Variants in CETP observed in about 807,000 individuals in gnomAD.
The protein encoded by CETP is BPI fold containing family F.
In CETP, 56 loss-of-function variants were observed where a neutral mutation model predicts 66.5. The ratio of observed to expected loss-of-function variants is 0.84; its 90% CI spans 0.68 to 1.05. CETP has a LOEUF of 1.05. Ranked by LOEUF, CETP falls within the 50% of genes least tolerant of loss-of-function variation. The pLI, the probability that CETP is intolerant of heterozygous loss-of-function variation, is 0.00. For synonymous variants in CETP, 251 were observed against 245.7 expected (o/e 1.02, Z -0.20); for missense variants, 612 against 609.6 (o/e 1.00, Z -0.04).
intron 1 of CETP, chr16:56,962,525 T>C: frequency 2.5e-6 from 1 of 396,524 alleles, no homozygotes; most frequent in East Asian, 6.6e-5. Context: ...TCACTGACTG[T>C]TGTGTGACTT....
chr16:56,974,121 C>T (rs1335769143), intron 9 of CETP, among the ~76,000 whole-genome samples: 1 of 152,142 alleles, frequency 6.6e-6, no homozygotes, highest in Non-Finnish European at 1.5e-5. Flanking sequence ...CGTTGGGCTA[C>T]CTGCCTTTAG....
chr16:56,981,803 C>CCA, intron 13 of CETP, 123 bp downstream of exon 13: 6 of 950,884 alleles, frequency 6.3e-6, no homozygotes, highest in Non-Finnish European at 1.0e-5. Flanking sequence ...ACCAGGTGGT[C>CCA]CATGCTGTGT....
Position 56,970,015 on chromosome 16 carries a change from C to T in CETP, c.527+14C>T. ...AGGGGAGCGAGAGTAAGTACACCAC[C>T]CTGTGGCCCCCATTCCTGCTCGTGC... is the stretch of plus-strand genomic sequence containing the variant. On this transcript the variant is annotated intron_variant, in intron 5 of 15. Coordinates refer to ENST00000200676, the MANE Select transcript of CETP (RefSeq NM_000078.3). The T allele has an allele frequency of 2.5e-6, 4 of 1,610,198 alleles. No homozygotes were observed. The highest frequency in any genetic ancestry group is 1.3e-5 in the African/African-American group (1 of 74,914).
chr16:56,968,053 T>A lies in CETP; in HGVS notation c.234-1333T>A, dbSNP rs183262099. ...TACCAGAAGTCTTTGCCAATCTATT[T>A]TTTTTTAATTTTATTTTTAATTTTT... On this transcript the variant is annotated intron_variant, in intron 2 of 15. Transcript: ENST00000200676. Among the ~76,000 whole-genome samples, 522 of 152,316 alleles carry A rather than the reference T, an allele frequency of 3.4e-3. 14 individuals carry two copies. The East Asian group carries it at 0.059, about 17-fold the overall frequency.
chr16:56,979,904 A>G (rs2056176192), intron 11 of CETP, among the ~76,000 whole-genome samples: 1 of 151,772 alleles, frequency 6.6e-6, no homozygotes, highest in Non-Finnish European at 1.5e-5. Context: ...TGTCACCATA[A>G]CCCCCTTCTC....
At chr16:56,982,854 G>T (rs2056198851) in intron 14 of CETP, among the ~76,000 whole-genome samples, 1 of 152,182 alleles carries the variant, frequency 6.6e-6, no homozygotes, top group Non-Finnish European at 1.5e-5. Context: ...GTGGAAACTG[G>T]AATGATCCTA....
chr16:56,975,263 C>A, intron 10 of CETP, 112 bp downstream of exon 10: 1 of 900,664 alleles, frequency 1.1e-6, no homozygotes, highest in Non-Finnish European at 1.8e-6. Flanking sequence ...ATTATAACAG[C>A]GAACACAGCT....
chr16:56,983,447 T>C, intron 15 of CETP, 36 bp downstream of exon 15: 3 of 1,607,408 alleles, frequency 1.9e-6, no homozygotes, highest in Non-Finnish European at 2.6e-6. Context: ...CCCCTGTTCC[T>C]GGGGAGAGAG....
chr16:56,983,223 G>A lies in CETP; in HGVS notation c.1322-103G>A. 5 of 864,258 alleles carry A rather than the reference G, an allele frequency of 5.8e-6. No homozygotes were observed. In the South Asian group the frequency reaches 6.6e-5, roughly 11 times the overall value. 53.5% of individuals were successfully genotyped at this position (864,258 alleles called of 1,614,324 possible). A position where few individuals can be genotyped will look rare whatever the true frequency, so the allele number is the denominator to read the frequency against. ...GTGAAACGCATGTTTACAGAATATT[G>A]GTCCAAAAGGGTCTCAGCATCTCCC... On this transcript the variant is annotated intron_variant, in intron 14 of 15. Coordinates refer to ENST00000200676, the MANE Select transcript of CETP (RefSeq NM_000078.3).
intron 12 of CETP, 74 bp from the exon 13 acceptor site, chr16:56,981,571 TAG>T (rs1170712219): frequency 1.3e-6 from 2 of 1,513,024 alleles, no homozygotes; most frequent in Non-Finnish European, 1.8e-6. Context: ...CTGCTATTCT[TAG>T]AGTTTCTTTC....
Position 56,977,195 on chromosome 16 carries a change from G to A in CETP, c.982-896G>A, listed in dbSNP as rs924832370. Among the ~76,000 whole-genome samples, 10 of 152,316 alleles carry A rather than the reference G, an allele frequency of 6.6e-5. No individual in the cohort carries two copies. In the South Asian group the frequency reaches 1.9e-3, roughly 28 times the overall value. On this transcript the variant is annotated intron_variant, in intron 10 of 15. Coordinates refer to ENST00000200676, the MANE Select transcript of CETP (RefSeq NM_000078.3). The stretch of plus-strand genomic sequence containing the variant: ...CAAAGTGCCGGGATTACAGGTGTGA[G>A]CTCCCGCACCCCGCCGGCCCTTTCT...
At chr16:56,972,130 G>A in intron 8 of CETP, 47 bp downstream of exon 8, 1 of 1,493,724 alleles carries the variant, frequency 6.7e-7, no homozygotes, top group Non-Finnish European at 9.3e-7. Flanking sequence ...CCCCAGGGGA[G>A]TTGGTCCTTT....
At chr16:56,982,288 C>T (rs1210229404) in intron 14 of CETP, 51 bp downstream of exon 14, 10 of 1,562,078 alleles carry the variant, frequency 6.4e-6, no homozygotes, top group Non-Finnish European at 7.9e-6. Context: ...CAGAGCTTCC[C>T]ATTTCACCTT....
Position 56,973,468 on chromosome 16 carries a change from G to C in CETP, c.888G>C (p.Gln296His). The C allele has an allele frequency of 1.2e-6, 2 of 1,614,220 alleles. No individual in the cohort carries two copies. The highest frequency in any genetic ancestry group is 1.7e-6 in the Non-Finnish European group (2 of 1,180,046). The part of the protein sequence containing the change: ...VFHSLAKVAF[Q>H]DGRLMLSLMG... The stretch of plus-strand genomic sequence containing the variant: ...ACTCGCTGGCCAAGGTAGCTTTCCA[G>C]GATGGCCGCCTCATGCTCAGCCTGA... Residue 296 changes from glutamine (Q) to histidine (H), a missense_variant, in exon 9 of 16, where the codon CAG becomes CAC. Coordinates refer to ENST00000200676, the MANE Select transcript of CETP (RefSeq NM_000078.3).
intron 2 of CETP, among the ~76,000 whole-genome samples, chr16:56,966,267 T>C (rs1405387913): frequency 3.3e-5 from 5 of 152,212 alleles, no homozygotes; most frequent in African/African-American, 4.8e-5. Flanking sequence ...CCCCATTCCT[T>C]GGCTTCCCTC....
At chr16:56,967,182 T>C (rs2056073538) in intron 2 of CETP, among the ~76,000 whole-genome samples, 1 of 148,576 alleles carries the variant, frequency 6.7e-6, no homozygotes, top group African/African-American at 2.5e-5. Flanking sequence ...ACCCTATCTC[T>C]ATTAAAAGTA....
In CETP at chr16:56,983,319, G is replaced by GC; in HGVS notation, c.1322-3dup. 1 of 1,614,100 alleles carries GC rather than the reference G, an allele frequency of 6.2e-7. No homozygotes were observed. The highest frequency in any genetic ancestry group is 8.5e-7 in the Non-Finnish European group (1 of 1,179,942). On this transcript the variant is annotated splice_polypyrimidine_tract_variant and splice_region_variant and intron_variant, in intron 14 of 15. Coordinates refer to ENST00000200676, the MANE Select transcript of CETP (RefSeq NM_000078.3). ...AGGGCTGACTGGGGCTCTGTCCCCT[G>GC]CCCCAGGGCTCGAGGTAGTGTTTAC...
intron 8 of CETP, 134 bp downstream of exon 8, chr16:56,972,217 T>G: frequency 1.5e-6 from 1 of 686,840 alleles, no homozygotes; most frequent in Non-Finnish European, 2.6e-6. Context: ...TCCTCATTCC[T>G]GATGCTCCTC....
At chr16:56,967,995 A>G (rs2056080350) in intron 2 of CETP, among the ~76,000 whole-genome samples, 2 of 151,960 alleles carry the variant, frequency 1.3e-5, no homozygotes, top group South Asian at 4.1e-4. Flanking sequence ...AAAAAAGAAG[A>G]AGAAGAATTT....
Sources: allele counts gnomAD v4.1 joint callset (sites outside exome capture counted in the v4.1 genomes callset), GRCh38; gene constraint gnomAD v4.1.1; transcripts MANE v1.5; gene names NCBI Gene and HGNC (gene_info 2026-07-23, HGNC 2026-07-21).